WWC2: variants seen among roughly 807,000 people sequenced by gnomAD.
WWC2 encodes the protein protein WWC2.
Under a neutral mutation model 138.5 loss-of-function variants are expected in WWC2, and 101 were observed. The observed-to-expected ratio is 0.73, with a 90% CI of 0.62 to 0.86. WWC2 has a LOEUF of 0.86. Ranked by LOEUF, WWC2 falls within the 40% of genes least tolerant of loss-of-function variation. WWC2 has a pLI of 0.00. For synonymous variants in WWC2, 558 were observed against 538.4 expected (o/e 1.04, Z -0.50); for missense variants, 1,420 against 1,419.4 (o/e 1.00, Z -0.01).
At chr4:183,298,520 G>C (rs1738714910) in intron 21 of WWC2, among the ~76,000 whole-genome samples, 1 of 152,156 alleles carries the variant, frequency 6.6e-6, no homozygotes, top group Non-Finnish European at 1.5e-5. Context: ...CTTAGATGCT[G>C]TTGTGGCTTC....
intron 19 of WWC2, among the ~76,000 whole-genome samples, chr4:183,284,815 CT>C (rs1407014623): frequency 6.6e-6 from 1 of 152,116 alleles, no homozygotes; most frequent in Non-Finnish European, 1.5e-5. Flanking sequence ...TAAAAATCCT[CT>C]TTTAATAATG....
rs183880023 is a variant in WWC2, at chr4:183,279,846, C to G, written c.2563-930C>G. 5.9e-5 allele frequency among the ~76,000 whole-genome samples: 9 copies of G among 152,212 alleles called. No homozygotes were observed. The East Asian group carries it at 1.2e-3, about 20-fold the overall frequency. On this transcript the variant is annotated intron_variant, in intron 16 of 22. Coordinates refer to ENST00000403733, the MANE Select transcript of WWC2 (RefSeq NM_024949.6). ...TTTTTCTTTGATTTTTCAGCAGTTT[C>G]ACTCTGATATGCTAATGTGATTTTC...
chr4:183,142,755 C>A (rs1265707282), intron 1 of WWC2, among the ~76,000 whole-genome samples: 1 of 152,200 alleles, frequency 6.6e-6, no homozygotes, highest in Non-Finnish European at 1.5e-5. Flanking sequence ...TGGACTAGAG[C>A]CATGTGGCGT....
Position 183,315,734 on chromosome 4 carries a change from A to C in WWC2, c.*5A>C. 2 of 1,607,518 alleles carry C rather than the reference A, an allele frequency of 1.2e-6. No homozygotes were observed. The highest frequency in any genetic ancestry group is 1.7e-6 in the Non-Finnish European group (2 of 1,175,458). ...CTGCCAGCTGATGATGTGTGATTAC[A>C]TGACTTAAGAAATTATTTTTTCATC... On this transcript the variant is annotated 3_prime_UTR_variant, in exon 23 of 23. Coordinates refer to ENST00000403733, the MANE Select transcript of WWC2 (RefSeq NM_024949.6).
intron 2 of WWC2, among the ~76,000 whole-genome samples, chr4:183,206,283 G>T (rs1735445056): frequency 6.6e-6 from 1 of 151,816 alleles, no homozygotes; most frequent in African/African-American, 2.4e-5. Context: ...GTTTTGCTTT[G>T]TTTTTTAAAA....
At chr4:183,247,192 A>G (rs1038940912) in intron 6 of WWC2, among the ~76,000 whole-genome samples, 44 of 152,280 alleles carry the variant, frequency 2.9e-4, no homozygotes, top group Admixed American at 9.8e-4. Flanking sequence ...GCACGCGCAC[A>G]CACACACATA....
In WWC2 at chr4:183,312,425, C is replaced by T. The variant is rs776811760; in HGVS notation, c.3469C>T (p.Arg1157Trp). ...AGTCTCCAAGGACGTGTGTCGGCTC[C>T]GGGAGCAGAGCCAGAAGGTGCCTCG... is the stretch of plus-strand genomic sequence containing the variant. ...RQVSKDVCRL[R>W]EQSQKVPRQV... Residue 1157 changes from arginine (R) to tryptophan (W), a missense_variant, in exon 22 of 23, where the codon CGG (arginine) becomes TGG (tryptophan). Transcript: ENST00000403733. 17 of 1,613,654 alleles carry T rather than the reference C, an allele frequency of 1.1e-5. No homozygotes were observed. The highest frequency in any genetic ancestry group is 9.3e-5 in the African/African-American group (7 of 74,886).
chr4:183,242,996 A>G (rs1439128050), intron 5 of WWC2, among the ~76,000 whole-genome samples: 1 of 152,212 alleles, frequency 6.6e-6, no homozygotes, highest in Admixed American at 6.5e-5. Context: ...AAAGAAAAAG[A>G]GCAGAAACGT....
At chr4:183,315,035 A>G (rs1739391076) in intron 22 of WWC2, among the ~76,000 whole-genome samples, 1 of 152,248 alleles carries the variant, frequency 6.6e-6, no homozygotes, top group Admixed American at 6.5e-5. Flanking sequence ...TGCTGACGGC[A>G]TAAATGCCAT....
chr4:183,243,430 G>A (rs7666191), intron 5 of WWC2, among the ~76,000 whole-genome samples: 11,602 of 152,148 alleles, frequency 0.076, 1,488 homozygotes, highest in African/African-American at 0.27. Context: ...GTTTTATTTA[G>A]TAAGCCATTT....
chr4:183,112,838 G>T (rs915903588), intron 1 of WWC2, among the ~76,000 whole-genome samples: 4 of 152,116 alleles, frequency 2.6e-5, no homozygotes, highest in Admixed American at 6.6e-5. Context: ...ATAAGAAGGA[G>T]CCATTCATGT....
intron 1 of WWC2, among the ~76,000 whole-genome samples, chr4:183,151,665 G>A (rs2111117743): frequency 1.3e-5 from 2 of 152,212 alleles, no homozygotes; most frequent in African/African-American, 4.8e-5. Flanking sequence ...GGGTTTTTAT[G>A]GTTTTAGGTC....
intron 1 of WWC2, among the ~76,000 whole-genome samples, chr4:183,155,893 A>C (rs1027758826): frequency 6.6e-6 from 1 of 152,186 alleles, no homozygotes; most frequent in Non-Finnish European, 1.5e-5. Flanking sequence ...AGGATTTTTC[A>C]GTCTGTTTTA....
intron 2 of WWC2, among the ~76,000 whole-genome samples, chr4:183,201,805 A>G (rs1735306633): frequency 2.0e-5 from 3 of 152,296 alleles, no homozygotes; most frequent in Non-Finnish European, 1.5e-5. Flanking sequence ...TTCTATTCTA[A>G]TCTATCAGGA....
intron 1 of WWC2, among the ~76,000 whole-genome samples, chr4:183,100,636 T>G (rs1743148849): frequency 6.6e-6 from 1 of 152,228 alleles, no homozygotes; most frequent in Admixed American, 6.5e-5. Context: ...TAGGTGCTTC[T>G]CCTATTTAAC....
chr4:183,130,651 C>G (rs768107775), intron 1 of WWC2, among the ~76,000 whole-genome samples: 10 of 152,156 alleles, frequency 6.6e-5, no homozygotes, highest in Non-Finnish European at 1.0e-4. Flanking sequence ...GTGACCTAGC[C>G]AGGAGGTATC....
At chr4:183,277,298 A>G (rs1580139451) in intron 16 of WWC2, among the ~76,000 whole-genome samples, 1 of 151,470 alleles carries the variant, frequency 6.6e-6, no homozygotes. Flanking sequence ...TGTCCCTACA[A>G]AGGACATGAA....
chr4:183,240,788 C>T (rs368276633), intron 5 of WWC2, among the ~76,000 whole-genome samples: 3 of 152,176 alleles, frequency 2.0e-5, no homozygotes, highest in South Asian at 2.1e-4. Flanking sequence ...AGCGGGAGTG[C>T]GCTCCTCACT....
chr4:183,312,235 T>C, intron 21 of WWC2, 106 bp from the exon 22 acceptor site: 1 of 1,504,034 alleles, frequency 6.6e-7, no homozygotes, highest in Non-Finnish European at 9.0e-7. Flanking sequence ...GCTGCCTTGC[T>C]TGCCCTCCTG....
Sources: allele counts gnomAD v4.1 joint callset (sites outside exome capture counted in the v4.1 genomes callset), GRCh38; gene constraint gnomAD v4.1.1; transcripts MANE v1.5; gene names NCBI Gene and HGNC (gene_info 2026-07-23, HGNC 2026-07-21).